Variants in COMMD10 observed in about 807,000 individuals in gnomAD.
COMMD10 encodes COMM domain-containing protein 10.
A neutral mutation model predicts 28.9 loss-of-function variants in COMMD10; 33 were observed. That is an observed-to-expected ratio of 1.14 (90% CI 0.87 to 1.53). The LOEUF (loss-of-function observed/expected upper bound fraction) is 1.53, where lower values mean the gene tolerates loss of function less well. Among genes scored for constraint, COMMD10 ranks in the 40% most tolerant of loss-of-function variants. The pLI, the probability that COMMD10 is intolerant of heterozygous loss-of-function variation, is 0.00. For missense variants in COMMD10, 310 were observed against 233.4 expected, an observed-to-expected ratio of 1.33 and a Z score of -2.14; for synonymous variants, 110 against 81.7, an observed-to-expected ratio of 1.35 and a Z score of -1.87.
At chr5:116,181,548 A>C (rs1747962916) in intron 5 of COMMD10, among the ~76,000 whole-genome samples, 1 of 151,610 alleles carries the variant, frequency 6.6e-6, no homozygotes. Flanking sequence ...ATGGTTAATC[A>C]TAAAAATCCA....
rs142843286 is a variant in COMMD10, at chr5:116,164,432, A to C, written c.510+30254A>C. On this transcript the variant is annotated intron_variant, in intron 5 of 6. Transcript: ENST00000274458. ...GTGGGGGTAATTGACAGTTGTTCAC[A>C]CAAAGGTTAGGTAATTCTATAATTA... 3.0e-3 allele frequency among the ~76,000 whole-genome samples: 450 copies of C among 152,346 alleles called. 3 individuals carry two copies. The highest frequency in any genetic ancestry group is 0.01 in the African/African-American group (432 of 41,578).
intron 4 of COMMD10, among the ~76,000 whole-genome samples, chr5:116,130,687 A>G (rs530596071): frequency 6.6e-6 from 1 of 152,070 alleles, no homozygotes; most frequent in East Asian, 1.9e-4. Flanking sequence ...TGGCGACTCT[A>G]ATTTGTCCTT....
rs547475904 is a variant in COMMD10, at chr5:116,115,929, T to TA, written c.400-18138dup. ...ATTTATTGACTCCTTAAAATGCACT[T>TA]ATGGTTTTGTCAGGGAGTTTTAAAA... On this transcript the variant is annotated intron_variant, in intron 4 of 6. Transcript: ENST00000274458. Among the ~76,000 whole-genome samples the TA allele has an allele frequency of 2.2e-3, 335 of 152,316 alleles. 1 individual carries two copies. Among genetic ancestry groups the TA allele is most frequent in the African/African-American group, 7.7e-3 (322 of 41,570 alleles).
intron 5 of COMMD10, among the ~76,000 whole-genome samples, chr5:116,229,094 A>G (rs1749466452): frequency 6.6e-6 from 1 of 152,070 alleles, no homozygotes. Flanking sequence ...GAGGGAGTAC[A>G]TAGAGAGCAT....
chr5:116,256,320 A>G (rs567279115), intron 5 of COMMD10, among the ~76,000 whole-genome samples: 2 of 151,890 alleles, frequency 1.3e-5, no homozygotes, highest in Admixed American at 1.3e-4. Flanking sequence ...TGTTGAGTAT[A>G]TGAAGAATAT....
At chr5:116,227,777 C>T (rs1031492543) in intron 5 of COMMD10, among the ~76,000 whole-genome samples, 1 of 152,042 alleles carries the variant, frequency 6.6e-6, no homozygotes, top group Admixed American at 6.6e-5. Context: ...TAAAAAGTTA[C>T]TATCAGTGCC....
At chr5:116,122,086 G>A (rs1751453888) in intron 4 of COMMD10, among the ~76,000 whole-genome samples, 1 of 152,150 alleles carries the variant, frequency 6.6e-6, no homozygotes, top group African/African-American at 2.4e-5. Context: ...GTATTGCCTA[G>A]GTTTTCTTCT....
Position 116,091,160 on chromosome 5 carries a change from C to G in COMMD10, c.214C>G (p.Leu72Val), listed in dbSNP as rs749642942. The G allele has an allele frequency of 6.2e-7, 1 of 1,605,730 alleles. No individual in the cohort carries two copies. The highest frequency in any genetic ancestry group is 1.1e-5 in the South Asian group (1 of 89,796). ...AGAGAAACAAGATCTTCACCTAGTT[C>G]TTGAAACAATATCATTTATTTTAGA... is the stretch of plus-strand genomic sequence containing the variant. ...SLEKQDLHLV[L>V]ETISFILEQA... Residue 72 changes from leucine (L) to valine (V), a missense_variant, in exon 3 of 7, where the codon CTT becomes GTT. Leu to Val is a conservative substitution (Grantham distance 32). Coordinates refer to ENST00000274458, the MANE Select transcript of COMMD10 (RefSeq NM_016144.4).
At chr5:116,183,524 A>G (rs765102806) in intron 5 of COMMD10, among the ~76,000 whole-genome samples, 13 of 152,116 alleles carry the variant, frequency 8.5e-5, no homozygotes, top group Non-Finnish European at 1.9e-4. Context: ...AAAGTGAATT[A>G]TAGGCCTCCT....
At chr5:116,281,883 G>C (rs1480180221) in intron 5 of COMMD10, among the ~76,000 whole-genome samples, 1 of 151,734 alleles carries the variant, frequency 6.6e-6, no homozygotes. Flanking sequence ...TCAGCCTCAG[G>C]CTACCTCTGT....
chr5:116,147,500 T>G (rs942933949), intron 5 of COMMD10, among the ~76,000 whole-genome samples: 5 of 152,026 alleles, frequency 3.3e-5, no homozygotes, highest in African/African-American at 1.2e-4. Flanking sequence ...ATATATCATA[T>G]TTTAAGCTTT....
intron 4 of COMMD10, among the ~76,000 whole-genome samples, chr5:116,117,812 C>T (rs528382035): frequency 1.3e-5 from 2 of 152,170 alleles, no homozygotes; most frequent in African/African-American, 2.4e-5. Context: ...TTTAAAAAAA[C>T]GTTTTGTATA....
At chr5:116,206,375 G>A (rs1369765070) in intron 5 of COMMD10, among the ~76,000 whole-genome samples, 1 of 152,066 alleles carries the variant, frequency 6.6e-6, no homozygotes, top group African/African-American at 2.4e-5. Context: ...CGGTGGTCGG[G>A]CACGGTGGCT....
chr5:116,105,123 A>G (rs1750796824), intron 4 of COMMD10, among the ~76,000 whole-genome samples: 1 of 152,210 alleles, frequency 6.6e-6, no homozygotes, highest in African/African-American at 2.4e-5. Context: ...ATTTTGAGAT[A>G]TGTTCCATCA....
Position 116,291,585 on chromosome 5 carries a change from T to G in COMMD10, c.570+9T>G. 6.7e-7 allele frequency: 1 copy of G among 1,493,148 alleles called. No individual in the cohort carries two copies. Among genetic ancestry groups the G allele is most frequent in the Non-Finnish European group, 9.2e-7 (1 of 1,091,364 alleles). The allele number at this position is 1,493,148 out of a possible 1,614,324, so 92.5% of individuals were successfully genotyped here. ...TTGATTTCTATAACAAGGTCTGTAT[T>G]TTTAAAATAATTTTCTAATATGTGG... On this transcript the variant is annotated intron_variant, in intron 6 of 6. Transcript: ENST00000274458.
Position 116,194,355 on chromosome 5 carries a change from A to G in COMMD10, c.510+60177A>G, listed in dbSNP as rs188728608. On this transcript the variant is annotated intron_variant, in intron 5 of 6. Transcript: ENST00000274458. ...ACTAAATGAAATGGAAACAAAAACA[A>G]TGAAAAAGATAAATGAAACAAAAAG... 1.6e-4 allele frequency among the ~76,000 whole-genome samples: 24 copies of G among 152,242 alleles called. No individual in the cohort carries two copies. The East Asian group carries it at 2.7e-3, about 17-fold the overall frequency.
At chr5:116,224,270 C>G (rs922609684) in intron 5 of COMMD10, among the ~76,000 whole-genome samples, 6 of 152,178 alleles carry the variant, frequency 3.9e-5, no homozygotes, top group African/African-American at 1.4e-4. Flanking sequence ...TTCCTGTTCA[C>G]TAGAATTAGG....
intron 5 of COMMD10, among the ~76,000 whole-genome samples, chr5:116,268,100 G>A (rs1337576030): frequency 6.6e-6 from 1 of 151,794 alleles, no homozygotes; most frequent in Non-Finnish European, 1.5e-5. Flanking sequence ...TTGACAAATG[G>A]GATCTAATTA....
intron 5 of COMMD10, among the ~76,000 whole-genome samples, chr5:116,148,945 C>T (rs1034953941): frequency 6.6e-6 from 1 of 151,480 alleles, no homozygotes. Flanking sequence ...TGATGTGTTG[C>T]ACCCAATAAC....
Sources: allele counts gnomAD v4.1 joint callset (sites outside exome capture counted in the v4.1 genomes callset), GRCh38; gene constraint gnomAD v4.1.1; transcripts MANE v1.5; gene names NCBI Gene and HGNC (gene_info 2026-07-23, HGNC 2026-07-21).